RMND5A: variants seen among roughly 807,000 people sequenced by gnomAD.
The protein encoded by RMND5A is required for meiotic nuclear division 5 homolog A.
In RMND5A, 17 loss-of-function variants were observed where a neutral mutation model predicts 49.7. The ratio of observed to expected loss-of-function variants is 0.34; its 90% CI spans 0.23 to 0.51. RMND5A has a LOEUF of 0.51. Ranked by LOEUF, RMND5A falls within the 20% of genes least tolerant of loss-of-function variation. RMND5A has a pLI of 0.96. For missense variants in RMND5A, 255 were observed against 471.3 expected (o/e 0.54, Z 4.25); for synonymous variants, 156 against 167.7 (o/e 0.93, Z 0.54).
chr2:86,760,683 C>T (rs919841116), intron 4 of RMND5A, among the ~76,000 whole-genome samples: 15 of 152,030 alleles, frequency 9.9e-5, no homozygotes, highest in African/African-American at 3.4e-4. Context: ...TGACATTTTA[C>T]AAAAATGGAT....
At chr2:86,764,846 C>G (rs1672563812) in intron 4 of RMND5A, among the ~76,000 whole-genome samples, 181 bp from the exon 5 acceptor site, 1 of 152,190 alleles carries the variant, frequency 6.6e-6, no homozygotes. Context: ...AGGGCCTCTG[C>G]AAGTGTAGTT....
intron 4 of RMND5A, among the ~76,000 whole-genome samples, chr2:86,760,580 C>A (rs529299161): frequency 6.6e-6 from 1 of 152,192 alleles, no homozygotes; most frequent in Non-Finnish European, 1.5e-5. Flanking sequence ...TTTGTCACTT[C>A]GCTCTTGATC....
At chr2:86,763,321 T>C (rs1672536567) in intron 4 of RMND5A, among the ~76,000 whole-genome samples, 1 of 152,194 alleles carries the variant, frequency 6.6e-6, no homozygotes, top group Non-Finnish European at 1.5e-5. Context: ...CTCATGCTTA[T>C]ATGATTGAAG....
rs1433780246 is a variant in RMND5A, at chr2:86,773,390, T to C, written c.1155T>C (p.Asp385=). 1.9e-6 allele frequency: 3 copies of C among 1,607,718 alleles called. No homozygotes were observed. Among genetic ancestry groups the C allele is most frequent in the Non-Finnish European group, 1.7e-6 (2 of 1,174,294 alleles). Residue 385 remains aspartate, a synonymous_variant, in exon 9 of 9, where the codon GAT becomes GAC. Coordinates refer to ENST00000283632, the MANE Select transcript of RMND5A (RefSeq NM_022780.4). The stretch of plus-strand genomic sequence containing the variant: ...GTCCAATGGAACAAAGTCCAGGAGA[T>C]GCCAAACAGATATTTTTCTGAAGAG... ...PYCPMEQSPG[D]AKQIFF is the part of the protein sequence containing the mutation.
intron 1 of RMND5A, among the ~76,000 whole-genome samples, chr2:86,729,315 TA>T (rs1435119597): frequency 3.3e-5 from 5 of 152,070 alleles, no homozygotes; most frequent in East Asian, 3.9e-4. Context: ...AGAGAGCCCT[TA>T]GAAAGAACTG....
At chr2:86,741,351 TC>T (rs1414335522) in intron 2 of RMND5A, among the ~76,000 whole-genome samples, 6 of 151,924 alleles carry the variant, frequency 3.9e-5, no homozygotes. Context: ...TAAATAAAGT[TC>T]CAAAGAAATT....
intron 4 of RMND5A, among the ~76,000 whole-genome samples, chr2:86,754,927 T>G (rs1019624343): frequency 6.6e-6 from 1 of 152,138 alleles, no homozygotes; most frequent in African/African-American, 2.4e-5. Context: ...CAGAAATTCC[T>G]GTATAAATTT....
intron 2 of RMND5A, 25 bp from the exon 3 acceptor site, chr2:86,751,870 AT>A (rs778635902): frequency 8.7e-6 from 14 of 1,604,880 alleles, no homozygotes; most frequent in Non-Finnish European, 1.2e-5. Context: ...TCTATTTATG[AT>A]TCCCTTTCTC....
chr2:86,732,530 T>C (rs1412153107), intron 1 of RMND5A, among the ~76,000 whole-genome samples: 1 of 145,732 alleles, frequency 6.9e-6, no homozygotes. Context: ...AACAAATGTA[T>C]GTACAAAATG....
intron 6 of RMND5A, among the ~76,000 whole-genome samples, chr2:86,768,985 G>A (rs1672643454): frequency 1.3e-5 from 2 of 152,068 alleles, no homozygotes; most frequent in African/African-American, 2.4e-5. Flanking sequence ...TCATTCTGTT[G>A]CCCAGGTTGG....
intron 4 of RMND5A, among the ~76,000 whole-genome samples, chr2:86,759,619 C>A (rs952049626): frequency 2.7e-5 from 4 of 150,820 alleles, no homozygotes; most frequent in Non-Finnish European, 4.4e-5. Context: ...CTTGCCCCCC[C>A]GCCCCCCACC....
intron 6 of RMND5A, 64 bp from the exon 7 acceptor site, chr2:86,769,959 T>C: frequency 8.8e-7 from 1 of 1,141,128 alleles, no homozygotes; most frequent in Non-Finnish European, 1.3e-6. Flanking sequence ...GAAATTGATG[T>C]CTCCTTGGAC....
In RMND5A at chr2:86,727,679, G is replaced by C. The variant is rs1240599237; in HGVS notation, c.142+6870G>C. On this transcript the variant is annotated intron_variant, in intron 1 of 8. Coordinates refer to ENST00000283632, the MANE Select transcript of RMND5A (RefSeq NM_022780.4). ...AAATGCAGTTTAGGGAGAAAATTGT[G>C]GAGGGCCCTGGCTCTGAGCTATGTG... Among the ~76,000 whole-genome samples, 6 of 78,708 alleles carry C rather than the reference G, an allele frequency of 7.6e-5. 3 individuals carry two copies. The highest frequency in any genetic ancestry group is 2.7e-4 in the African/African-American group (6 of 22,598). The allele number at this position is 78,708 out of a possible 152,430, so 51.6% of individuals were successfully genotyped here. A position where few individuals can be genotyped will look rare whatever the true frequency, so the allele number is the denominator to read the frequency against.
chr2:86,769,891 A>G (rs911252873), intron 6 of RMND5A, 132 bp from the exon 7 acceptor site: 10 of 627,872 alleles, frequency 1.6e-5, no homozygotes, highest in Admixed American at 2.6e-5. Flanking sequence ...TACTTTTAGC[A>G]GAACAGAAAG....
intron 1 of RMND5A, 136 bp downstream of exon 1, chr2:86,720,945 G>A (rs1681199369): frequency 1.5e-6 from 1 of 682,168 alleles, no homozygotes; most frequent in African/African-American, 2.0e-5. Context: ...GAGGCCCCCA[G>A]ACCCCTGAGA....
rs937538680 is a variant in RMND5A at position 86,773,731 on chromosome 2, C to T, written c.*320C>T. Reference sequence around the variant, plus strand: ...GAGCAGAAACGGAAATTGACCTCCCCGCCATGTGTTTAATATTCCTCCTGC... The same window carrying T: ...GAGCAGAAACGGAAATTGACCTCCCTGCCATGTGTTTAATATTCCTCCTGC... On this transcript the variant is annotated 3_prime_UTR_variant, in exon 9 of 9. Coordinates refer to ENST00000283632, the MANE Select transcript of RMND5A (RefSeq NM_022780.4). The T allele has an allele frequency of 5.2e-5, 10 of 192,214 alleles. No individual in the cohort carries two copies. The highest frequency in any genetic ancestry group is 9.5e-5 in the Non-Finnish European group (9 of 94,580). 11.9% of individuals were successfully genotyped at this position (192,214 alleles called of 1,614,324 possible).
At chr2:86,754,534 C>T (rs115473684) in intron 4 of RMND5A, among the ~76,000 whole-genome samples, 7 of 151,932 alleles carry the variant, frequency 4.6e-5, no homozygotes, top group Non-Finnish European at 8.8e-5. Context: ...CCATTTAATT[C>T]TTCATAGCTT....
At chr2:86,763,032 A>C (rs1384267899) in intron 4 of RMND5A, among the ~76,000 whole-genome samples, 1 of 152,138 alleles carries the variant, frequency 6.6e-6, no homozygotes, top group East Asian at 1.9e-4. Flanking sequence ...AACGAAAGTG[A>C]AACCCTTTCT....
chr2:86,769,235 C>A (rs1006678448), intron 6 of RMND5A, among the ~76,000 whole-genome samples: 1 of 152,198 alleles, frequency 6.6e-6, no homozygotes, highest in Non-Finnish European at 1.5e-5. Flanking sequence ...AGTGAGCCAC[C>A]ACCATCTGCT....
Sources: allele counts gnomAD v4.1 joint callset (sites outside exome capture counted in the v4.1 genomes callset), GRCh38; gene constraint gnomAD v4.1.1; transcripts MANE v1.5; gene names NCBI Gene and HGNC (gene_info 2026-07-23, HGNC 2026-07-21).